IRF5: variants seen among roughly 807,000 people sequenced by gnomAD.
The protein encoded by IRF5 is interferon regulatory factor 5.
In IRF5, 24 loss-of-function variants were observed where a neutral mutation model predicts 55.1. That is an observed-to-expected ratio of 0.44 (90% confidence interval 0.32 to 0.61). The LOEUF is 0.61. Ranked by LOEUF, IRF5 falls within the 20% of genes least tolerant of loss-of-function variation. The pLI is 0.07. For missense variants in IRF5, 499 were observed against 658.5 expected, an observed-to-expected ratio of 0.76 and a Z score of 2.65; for synonymous variants, 258 against 260.2, an observed-to-expected ratio of 0.99 and a Z score of 0.08.
intron 2 of IRF5, among the ~76,000 whole-genome samples, chr7:128,944,400 A>AT (rs1311842444): frequency 6.6e-6 from 1 of 152,132 alleles, no homozygotes; most frequent in Admixed American, 6.5e-5. Context: ...GGCAATGCTT[A>AT]TTTTTTAAAA....
rs1796332382 is a variant in IRF5, at chr7:128,946,852, C to A, written c.448-171C>A. 1 of 808,940 alleles carries A rather than the reference C, an allele frequency of 1.2e-6. No individual in the cohort carries two copies. The highest frequency in any genetic ancestry group is 2.1e-6 in the Non-Finnish European group (1 of 487,288). The allele number at this position is 808,940 out of a possible 1,614,324, so 50.1% of individuals were successfully genotyped here. A position where few individuals can be genotyped will look rare whatever the true frequency, so the allele number is the denominator to read the frequency against. ...TGAGGCAAAGGGCTTTTCTGACCTG[C>A]CTGGGATGGACGAGCTGGGACCGGA... On this transcript the variant is annotated intron_variant, in intron 4 of 8. Transcript: ENST00000357234. This position sits in a 1 kb window ranked among gnomAD's most constrained non-coding sequence, Gnocchi z 4.2.
rs1339869925 is a variant in IRF5 at position 128,946,159 on chromosome 7, C to T, written c.385+125C>T. 17 of 909,632 alleles carry T rather than the reference C, an allele frequency of 1.9e-5. No homozygotes were observed. Among genetic ancestry groups the T allele is most frequent in the Middle Eastern group, 3.1e-4 (1 of 3,178 alleles). 56.3% of individuals were successfully genotyped at this position (909,632 alleles called of 1,614,324 possible). On this transcript the variant is annotated intron_variant, in intron 3 of 8. Coordinates refer to ENST00000357234, the MANE Select transcript of IRF5 (RefSeq NM_001098629.3). The surrounding 1 kb of genome is among the most constrained non-coding windows in gnomAD (Gnocchi z 4.2). ...GCAGGCAGTGGTCCAGGAAACGATG[C>T]GGGGGCTCCCGCTAGGTCATGACAC...
In IRF5 at chr7:128,946,578, G is replaced by A. The variant is rs377609927; in HGVS notation, c.447+16G>A. On this transcript the variant is annotated intron_variant, in intron 4 of 8. Coordinates refer to ENST00000357234, the MANE Select transcript of IRF5 (RefSeq NM_001098629.3). This position sits in a 1 kb window ranked among gnomAD's most constrained non-coding sequence, Gnocchi z 4.2. ...AGAGGAAGAGGTGAGTGTGGGTTGA[G>A]GAGGCAGGTGGAGCCCTGGACGAGC... The A allele has an allele frequency of 6.5e-6, 10 of 1,534,524 alleles. No individual in the cohort carries two copies. The highest frequency in any genetic ancestry group is 6.3e-6 in the Non-Finnish European group (7 of 1,118,662).
chr7:128,946,126 C>A lies in IRF5; in HGVS notation c.385+92C>A. The A allele has an allele frequency of 8.1e-7, 1 of 1,241,182 alleles. No individual in the cohort carries two copies. Among genetic ancestry groups the A allele is most frequent in the Non-Finnish European group, 1.1e-6 (1 of 910,150 alleles). 76.9% of individuals were successfully genotyped at this position (1,241,182 alleles called of 1,614,324 possible). The stretch of plus-strand genomic sequence containing the variant: ...CTCTTGGGTGCAGGCAGGCCAAGGG[C>A]CCCTCTAGCAGGCAGTGGTCCAGGA... On this transcript the variant is annotated intron_variant, in intron 3 of 8. Transcript: ENST00000357234. This position sits in a 1 kb window ranked among gnomAD's most constrained non-coding sequence, Gnocchi z 4.2.
intron 2 of IRF5, among the ~76,000 whole-genome samples, chr7:128,945,405 C>T (rs919996629): frequency 4.6e-5 from 7 of 152,190 alleles, no homozygotes; most frequent in Non-Finnish European, 7.3e-5. Context: ...TGTGCCCAGC[C>T]AACATCAACC....
In IRF5 at chr7:128,945,962, G is replaced by A. The variant is rs751140082; in HGVS notation, c.313G>A (p.Asp105Asn). ...GAGCCGGGACTTCCGCCTCATCTAC[G>A]ACGGGCCCCGGGACATGCCACCTCA... ...NKSRDFRLIY[D>N]GPRDMPPQPY... Residue 105 changes from aspartate (D) to asparagine (N), a missense_variant, in exon 3 of 9, where the codon GAC becomes AAC. Physicochemically the swap from Asp to Asn is conservative, Grantham distance 23. Coordinates refer to ENST00000357234, the MANE Select transcript of IRF5 (RefSeq NM_001098629.3). The A allele has an allele frequency of 6.2e-7, 1 of 1,613,536 alleles. No individual in the cohort carries two copies. Among genetic ancestry groups the A allele is most frequent in the Non-Finnish European group, 8.5e-7 (1 of 1,179,872 alleles).
In IRF5 at chr7:128,947,504, A is replaced by T; in HGVS notation, c.756A>T (p.Pro252=). Reference sequence around the variant, plus strand: ...CCCCTGCAGGCGAACAGCTCCTGCCAGACCTGCTGATCAGCCCCCACATGC... The same window carrying T: ...CCCCTGCAGGCGAACAGCTCCTGCCTGACCTGCTGATCAGCCCCCACATGC... ...SLPPAGEQLL[P]DLLISPHMLP... Residue 252 remains proline (P), a synonymous_variant, in exon 6 of 9, where the codon CCA becomes CCT. Transcript: ENST00000357234. The surrounding 1 kb of genome is among the most constrained non-coding windows in gnomAD (Gnocchi z 6.5). 2 of 1,588,276 alleles carry T rather than the reference A, an allele frequency of 1.3e-6. No individual in the cohort carries two copies. The highest frequency in any genetic ancestry group is 1.7e-6 in the Non-Finnish European group (2 of 1,170,788).
At position 128,946,617 on chromosome 7, in the gene IRF5, C is replaced by T. The variant is rs753651872; in HGVS notation, c.447+55C>T. The stretch of plus-strand genomic sequence containing the variant: ...CCCTGGACGAGCTCTCTGCTGTCCC[C>T]ATCGGCCTTAGGTTTCCGCAGCCCC... On this transcript the variant is annotated intron_variant, in intron 4 of 8. Coordinates refer to ENST00000357234, the MANE Select transcript of IRF5 (RefSeq NM_001098629.3). The surrounding 1 kb of genome is among the most constrained non-coding windows in gnomAD (Gnocchi z 4.2). 8 of 1,249,706 alleles carry T rather than the reference C, an allele frequency of 6.4e-6. No homozygotes were observed. The highest frequency in any genetic ancestry group is 9.2e-6 in the Non-Finnish European group (8 of 873,380). The allele number at this position is 1,249,706 out of a possible 1,614,324, so 77.4% of individuals were successfully genotyped here. A position where few individuals can be genotyped will look rare whatever the true frequency, so the allele number is the denominator to read the frequency against.
intron 2 of IRF5, among the ~76,000 whole-genome samples, chr7:128,944,474 A>G (rs1185046668): frequency 2.6e-5 from 4 of 152,112 alleles, no homozygotes; most frequent in Admixed American, 2.6e-4. Flanking sequence ...TCTTTTGCTA[A>G]TCCATTTATT....
chr7:128,943,872 T>A (rs1273977741), intron 2 of IRF5, among the ~76,000 whole-genome samples: 1 of 151,848 alleles, frequency 6.6e-6, no homozygotes, highest in African/African-American at 2.4e-5. Flanking sequence ...CCCAGCCTAA[T>A]TTTTTGATTT....
upstream of IRF5, among the ~76,000 whole-genome samples, chr7:128,937,437 G>A (rs1795811130): frequency 6.6e-6 from 1 of 152,212 alleles, no homozygotes; most frequent in Non-Finnish European, 1.5e-5. Flanking sequence ...ACAGGTGCAG[G>A]GTTTGAGGAT....
In IRF5 at chr7:128,946,429, C is replaced by T. The variant is rs1796305546; in HGVS notation, c.386-72C>T. The T allele has an allele frequency of 5.2e-6, 8 of 1,540,460 alleles. No homozygotes were observed. Among genetic ancestry groups the T allele is most frequent in the Non-Finnish European group, 7.0e-6 (8 of 1,137,590 alleles). On this transcript the variant is annotated intron_variant, in intron 3 of 8. Transcript: ENST00000357234. This position sits in a 1 kb window ranked among gnomAD's most constrained non-coding sequence, Gnocchi z 4.2. ...AAGCTGCATAGGAGCTACAGGCAGC[C>T]TCTCAGGGGATCTTGCTTCTCCTCC...
At position 128,946,809 on chromosome 7, in the gene IRF5, G is replaced by A; in HGVS notation, c.448-214G>A. On this transcript the variant is annotated intron_variant, in intron 4 of 8. Transcript: ENST00000357234. The surrounding 1 kb of genome is among the most constrained non-coding windows in gnomAD (Gnocchi z 4.2). Reference sequence around the variant, plus strand: ...GGCTTGGTAGGTCTGACTCCCTGCAGAAGGCAAATGAGGAAAGTGAGGCAA... The same window carrying A: ...GGCTTGGTAGGTCTGACTCCCTGCAAAAGGCAAATGAGGAAAGTGAGGCAA... The A allele has an allele frequency of 1.5e-6, 1 of 670,560 alleles. No individual in the cohort carries two copies. Among genetic ancestry groups the A allele is most frequent in the Non-Finnish European group, 2.6e-6 (1 of 380,408 alleles). The allele number at this position is 670,560 out of a possible 1,614,324, so 41.5% of individuals were successfully genotyped here. A position where few individuals can be genotyped will look rare whatever the true frequency, so the allele number is the denominator to read the frequency against.
chr7:128,939,675 G>A (rs1795918079), intron 1 of IRF5, among the ~76,000 whole-genome samples: 1 of 152,162 alleles, frequency 6.6e-6, no homozygotes, highest in Admixed American at 6.5e-5. Flanking sequence ...GGTGGTGGGG[G>A]CACTGTCTCC....
In IRF5 at chr7:128,948,164, A is replaced by G. The variant is rs1256010377; in HGVS notation, c.1180+43A>G. On this transcript the variant is annotated intron_variant, in intron 7 of 8. Transcript: ENST00000357234. The surrounding 1 kb of genome is among the most constrained non-coding windows in gnomAD (Gnocchi z 4.6). ...TGATCCTCCTGGCTGCCTCTTGCCC[A>G]GGGCATGGTTCCAGCCTCTGACTAG... 6.2e-7 allele frequency: 1 copy of G among 1,611,524 alleles called. No individual in the cohort carries two copies. The highest frequency in any genetic ancestry group is 8.5e-7 in the Non-Finnish European group (1 of 1,178,082).
At chr7:128,937,532 T>G (rs889188236), upstream of IRF5, 3 of 152,302 alleles carry the variant, frequency 2.0e-5, no homozygotes. Context: ...GCGACTGTGT[T>G]CTAGGGCGAG....
intron 1 of IRF5, among the ~76,000 whole-genome samples, chr7:128,939,709 G>A (rs996644841): frequency 1.2e-4 from 19 of 152,326 alleles, no homozygotes; most frequent in African/African-American, 4.3e-4. Context: ...TGGCCCTGGG[G>A]TGAGCTGTGG....
At chr7:128,939,584 G>C (rs1225159538) in intron 1 of IRF5, among the ~76,000 whole-genome samples, 1 of 152,158 alleles carries the variant, frequency 6.6e-6, no homozygotes, top group Admixed American at 6.5e-5. Context: ...GGCGCCTGCT[G>C]TCTGGCCACT....
chr7:128,943,665 C>G (rs372217622), intron 2 of IRF5, among the ~76,000 whole-genome samples: 1 of 149,114 alleles, frequency 6.7e-6, no homozygotes, highest in African/African-American at 2.5e-5. Context: ...CTCAGCCTCC[C>G]GAGTAGCTAG....
Sources: gnomAD v4.1 joint callset for allele counts (sites outside exome capture counted in the v4.1 genomes callset) on GRCh38, gnomAD v4.1.1 for gene constraint, Gnocchi (gnomAD v3.1) non-coding constraint, MANE v1.5 for transcripts, NCBI Gene and HGNC (gene_info 2026-07-23, HGNC 2026-07-21) for gene names.